RYR3: variants seen among roughly 807,000 people sequenced by gnomAD.
RYR3 encodes the protein ryanodine receptor 3, also known as brain ryanodine receptor-calcium release channel.
A neutral mutation model predicts 584.3 loss-of-function variants in RYR3; 207 were observed. That is an observed-to-expected ratio of 0.35 (90% CI 0.32 to 0.40). The LOEUF (loss-of-function observed/expected upper bound fraction) is 0.40. Among genes scored for constraint, RYR3 ranks in the 10% least tolerant of loss-of-function variants. The pLI, the probability that RYR3 is intolerant of heterozygous loss-of-function variation, is 1.00. For synonymous variants in RYR3, 2,416 were observed against 2,248.5 expected, an observed-to-expected ratio of 1.07 and a Z score of -2.11; for missense variants, 5,616 against 6,089.2, an observed-to-expected ratio of 0.92 and a Z score of 2.59.
chr15:33,336,326 G>A (rs1166461992), intron 1 of RYR3, among the ~76,000 whole-genome samples: 1 of 151,578 alleles, frequency 6.6e-6, no homozygotes, highest in Non-Finnish European at 1.5e-5. Context: ...CAGTTACTCG[G>A]GAGGCTGAGG....
chr15:33,349,936 A>G (rs943975070), intron 1 of RYR3, among the ~76,000 whole-genome samples: 3 of 151,794 alleles, frequency 2.0e-5, no homozygotes, highest in African/African-American at 7.3e-5. Flanking sequence ...ATCATTTTTT[A>G]TGGCTGCATA....
chr15:33,864,098 CTTGACCA>C (rs1179708184), intron 102 of RYR3, 33 bp from the exon 103 acceptor site: 4 of 1,511,414 alleles, frequency 2.6e-6, no homozygotes, highest in Non-Finnish European at 2.7e-6. Context: ...GAACTTGGGT[CTTGACCA>C]GAGTATCTAA....
At chr15:33,684,261 G>A (rs2064835809) in intron 38 of RYR3, among the ~76,000 whole-genome samples, 1 of 152,198 alleles carries the variant, frequency 6.6e-6, no homozygotes, top group South Asian at 2.1e-4. Flanking sequence ...CATATAGGCA[G>A]GGTGCCCCTC....
chr15:33,351,418 C>CA, intron 1 of RYR3, among the ~76,000 whole-genome samples: 1 of 152,074 alleles, frequency 6.6e-6, no homozygotes, highest in Non-Finnish European at 1.5e-5. Context: ...ATGAGGCCAG[C>CA]ATCATCCTGA....
intron 102 of RYR3, 59 bp from the exon 103 acceptor site, chr15:33,864,079 C>T (rs115145053): frequency 9.3e-5 from 118 of 1,275,392 alleles, no homozygotes; most frequent in African/African-American, 9.1e-4. Flanking sequence ...ACAGTTAATC[C>T]ATGCGAATGA....
Position 33,613,173 on chromosome 15 carries a change from T to A in RYR3, c.2165-10T>A. The A allele has an allele frequency of 1.2e-6, 2 of 1,611,466 alleles. No homozygotes were observed. The highest frequency in any genetic ancestry group is 1.7e-6 in the Non-Finnish European group (2 of 1,178,262). On this transcript the variant is annotated splice_polypyrimidine_tract_variant and intron_variant, in intron 18 of 103. Transcript: ENST00000634891. The stretch of plus-strand genomic sequence containing the variant: ...GTTCCACAGCCTTCTTCCTGTTCTT[T>A]CCTCACCAGGCCGGATACCCAGAGC...
intron 1 of RYR3, among the ~76,000 whole-genome samples, chr15:33,415,865 C>A (rs1262263900): frequency 6.6e-6 from 1 of 152,018 alleles, no homozygotes; most frequent in Non-Finnish European, 1.5e-5. Context: ...CACCTTCATC[C>A]CTCCCTCCCT....
chr15:33,569,506 T>C (rs1387265307), intron 12 of RYR3, among the ~76,000 whole-genome samples: 1 of 152,202 alleles, frequency 6.6e-6, no homozygotes, highest in African/African-American at 2.4e-5. Context: ...ATTTGTCCTT[T>C]TGTGTCTGGC....
chr15:33,848,260 C>G (rs771896061), intron 93 of RYR3, 31 bp from the exon 94 acceptor site: 2 of 1,612,218 alleles, frequency 1.2e-6, no homozygotes, highest in Admixed American at 1.7e-5. Context: ...ACAAAGCCTG[C>G]TCTGAGTAAC....
At chr15:33,437,993 T>A (rs999720547) in intron 1 of RYR3, among the ~76,000 whole-genome samples, 8 of 152,178 alleles carry the variant, frequency 5.3e-5, no homozygotes, top group Admixed American at 4.6e-4. Flanking sequence ...AATATCTATA[T>A]ATTGACAAAT....
At chr15:33,663,261 G>T (rs923287449) in intron 35 of RYR3, among the ~76,000 whole-genome samples, 1 of 152,184 alleles carries the variant, frequency 6.6e-6, no homozygotes, top group Non-Finnish European at 1.5e-5. Flanking sequence ...CAGCATTCAC[G>T]TGCATGATCT....
At chr15:33,503,067 T>C (rs1017615144) in intron 2 of RYR3, among the ~76,000 whole-genome samples, 6 of 152,250 alleles carry the variant, frequency 3.9e-5, no homozygotes, top group African/African-American at 1.2e-4. Context: ...TAAATTGGAA[T>C]GATTGTTATA....
rs2041949916 is a variant in RYR3, at chr15:33,390,828, G to A, written c.51+79732G>A. On this transcript the variant is annotated intron_variant, in intron 1 of 103. Transcript: ENST00000634891. This position sits in a 1 kb window ranked among gnomAD's most constrained non-coding sequence, Gnocchi z 4.2. ...AAACCCTGGATGCTGACTCCATAAT[G>A]GGATCCCCAGGCAGAGACATTGCAC... Among the ~76,000 whole-genome samples the A allele has an allele frequency of 1.3e-5, 2 of 152,114 alleles. 1 individual carries two copies. The highest frequency in any genetic ancestry group is 4.1e-4 in the South Asian group (2 of 4,826).
intron 48 of RYR3, among the ~76,000 whole-genome samples, chr15:33,732,330 G>A (rs2069032874): frequency 6.7e-6 from 1 of 149,334 alleles, no homozygotes; most frequent in East Asian, 2.0e-4. Flanking sequence ...GGAGCTTGCA[G>A]TGAGCCGAGA....
At chr15:33,617,976 A>G (rs540155819) in intron 19 of RYR3, among the ~76,000 whole-genome samples, 122 of 152,288 alleles carry the variant, frequency 8.0e-4, no homozygotes, top group African/African-American at 2.7e-3. Context: ...TAACAACCGT[A>G]TTCATTATAG....
In RYR3 at chr15:33,635,794, A is replaced by T. The variant is rs2152646075; in HGVS notation, c.3356A>T (p.Gln1119Leu). The T allele has an allele frequency of 6.2e-7, 1 of 1,613,186 alleles. No homozygotes were observed. Among genetic ancestry groups the T allele is most frequent in the African/African-American group, 1.3e-5 (1 of 75,046 alleles). ...GATGTCGAGCTGGGGGCCGATGACC[A>T]AGCCTTTGTGTTTGAAGGCAACAGG... is the stretch of plus-strand genomic sequence containing the variant. ...RPDVELGADD[Q>L]AFVFEGNRGQ... The change falls in exon 26 of 104, where the codon CAA becomes CTA. Residue 1119 changes from glutamine to leucine, a missense_variant. Around this residue, in one of 9 missense-constraint regions of RYR3, gnomAD observed 152 missense variants for 200.9 expected, o/e 0.76. Transcript: ENST00000634891.
chr15:33,468,604 T>G (rs1019396611), intron 1 of RYR3, among the ~76,000 whole-genome samples: 4 of 152,208 alleles, frequency 2.6e-5, no homozygotes, highest in African/African-American at 9.7e-5. Flanking sequence ...CCCAGTTAAT[T>G]AACACATTTT....
At chr15:33,548,977 G>A (rs1279268561) in intron 9 of RYR3, among the ~76,000 whole-genome samples, 1 of 152,032 alleles carries the variant, frequency 6.6e-6, no homozygotes, top group Non-Finnish European at 1.5e-5. Flanking sequence ...CTCACGCAGG[G>A]TATATGCCCC....
intron 18 of RYR3, among the ~76,000 whole-genome samples, chr15:33,609,531 G>A (rs2060067235): frequency 6.6e-6 from 1 of 152,214 alleles, no homozygotes; most frequent in Non-Finnish European, 1.5e-5. Flanking sequence ...GCGTGCGCCT[G>A]TAGTCCCAGT....
Sources: allele counts gnomAD v4.1 joint callset (sites outside exome capture counted in the v4.1 genomes callset), GRCh38; gene constraint gnomAD v4.1.1; regional missense constraint gnomAD v4.1.1; non-coding constraint Gnocchi (gnomAD v3.1); transcripts MANE v1.5; gene names NCBI Gene and HGNC (gene_info 2026-07-23, HGNC 2026-07-21).